KCNG4: variants seen among roughly 807,000 people sequenced by gnomAD.
KCNG4 encodes the protein potassium voltage-gated channel modifier subfamily G member 4, also known as voltage-gated potassium channel regulatory subunit KCNG4.
In KCNG4, 30 loss-of-function variants were observed where a neutral mutation model predicts 28.2. That is an observed-to-expected ratio of 1.06 (90% CI 0.80 to 1.44). The LOEUF is 1.44. Ranked by LOEUF, KCNG4 falls within the 40% of genes most tolerant of loss-of-function variation. The pLI, the probability that KCNG4 is intolerant of heterozygous loss-of-function variation, is 0.00. For synonymous variants in KCNG4, 375 were observed against 315.5 expected (o/e 1.19, Z -2.00); for missense variants, 879 against 712.3 (o/e 1.23, Z -2.66).
At position 84,221,641 on chromosome 16, in the gene KCNG4, G is replaced by C. The variant is rs1409797841; in HGVS notation, c.*576C>G. On this transcript the variant is annotated 3_prime_UTR_variant, in exon 3 of 3. Coordinates refer to ENST00000308251, the MANE Select transcript of KCNG4 (RefSeq NM_172347.3). ...TGATTCTGCCTTCTTAGCTACAAGT[G>C]TTCAGAGCTGGCGGGAGGTAGCAGC... The C allele has an allele frequency of 6.5e-6, 1 of 153,042 alleles. No individual in the cohort carries two copies. Among genetic ancestry groups the C allele is most frequent in the Non-Finnish European group, 1.5e-5 (1 of 68,640 alleles). 9.5% of individuals were successfully genotyped at this position (153,042 alleles called of 1,614,324 possible). A position where few individuals can be genotyped will look rare whatever the true frequency, so the allele number is the denominator to read the frequency against.
intron 2 of KCNG4, among the ~76,000 whole-genome samples, chr16:84,224,004 G>A (rs931689240): frequency 3.3e-5 from 5 of 152,114 alleles, no homozygotes; most frequent in Non-Finnish European, 5.9e-5. Context: ...TCTGTATTTT[G>A]TTCTTCCTCC....
chr16:84,221,930 A>C lies in KCNG4; in HGVS notation c.*287T>G. On this transcript the variant is annotated 3_prime_UTR_variant, in exon 3 of 3. Transcript: ENST00000308251. ...ATGTTAAAGCCTCTGCTGGGAAGGA[A>C]AAGAGAATGAAAGGAGACTGAGCTA... 2.4e-6 allele frequency: 1 copy of C among 415,154 alleles called. No homozygotes were observed. The highest frequency in any genetic ancestry group is 4.3e-6 in the Non-Finnish European group (1 of 230,474). 25.7% of individuals were successfully genotyped at this position (415,154 alleles called of 1,614,324 possible).
intron 2 of KCNG4, among the ~76,000 whole-genome samples, chr16:84,232,772 G>A (rs963058804): frequency 1.3e-5 from 2 of 151,916 alleles, no homozygotes; most frequent in Non-Finnish European, 2.9e-5. Context: ...GATGATGCCT[G>A]CCTGTGGTCC....
intron 2 of KCNG4, among the ~76,000 whole-genome samples, chr16:84,231,455 G>T (rs765896957): frequency 2.6e-5 from 4 of 152,186 alleles, no homozygotes; most frequent in Admixed American, 6.5e-5. Context: ...AGGCAGAGCT[G>T]CCCGGCCAGG....
chr16:84,225,453 C>T (rs2151336639), intron 2 of KCNG4, among the ~76,000 whole-genome samples: 1 of 152,290 alleles, frequency 6.6e-6, no homozygotes, highest in African/African-American at 2.4e-5. Flanking sequence ...GATTCTTGGG[C>T]CCCCATCACA....
In KCNG4 at chr16:84,236,464, A is replaced by G. The variant is rs1001256165; in HGVS notation, c.756+266T>C. 3 of 507,928 alleles carry G rather than the reference A, an allele frequency of 5.9e-6. No individual in the cohort carries two copies. In the African/African-American group the frequency reaches 5.9e-5, roughly 10 times the overall value. The allele number at this position is 507,928 out of a possible 1,614,324, so 31.5% of individuals were successfully genotyped here. On this transcript the variant is annotated intron_variant, in intron 2 of 2. Transcript: ENST00000308251. ...GACACTGTGTCTGTGTGGCCCACTG[A>G]GTCCACGCATGGCTGAGGGCCACGT...
chr16:84,234,379 G>A (rs936640825), intron 2 of KCNG4, among the ~76,000 whole-genome samples: 5 of 151,738 alleles, frequency 3.3e-5, no homozygotes, highest in South Asian at 2.1e-4. Flanking sequence ...GAGTTTTACC[G>A]TGTTGGCCAG....
Position 84,222,135 on chromosome 16 carries a change from G to C in KCNG4, c.*82C>G. 7.2e-7 allele frequency: 1 copy of C among 1,383,758 alleles called. No individual in the cohort carries two copies. 85.7% of individuals were successfully genotyped at this position (1,383,758 alleles called of 1,614,324 possible). A position where few individuals can be genotyped will look rare whatever the true frequency, so the allele number is the denominator to read the frequency against. Reference sequence around the variant, plus strand: ...CCCTGGGCTCTAGAAACACCACCAGGTGGTCTATGCGGGGTACCCTTGAGT... The same window carrying C: ...CCCTGGGCTCTAGAAACACCACCAGCTGGTCTATGCGGGGTACCCTTGAGT... On this transcript the variant is annotated 3_prime_UTR_variant, in exon 3 of 3. Transcript: ENST00000308251.
intron 2 of KCNG4, among the ~76,000 whole-genome samples, chr16:84,234,677 C>T (rs1032438115): frequency 2.6e-5 from 4 of 152,188 alleles, no homozygotes; most frequent in African/African-American, 9.7e-5. Flanking sequence ...ATTAATTCTT[C>T]AGCGTGGATG....
intron 2 of KCNG4, among the ~76,000 whole-genome samples, chr16:84,234,666 CATT>C (rs1482194004): frequency 6.6e-6 from 1 of 152,194 alleles, no homozygotes; most frequent in African/African-American, 2.4e-5. Flanking sequence ...CCCATCGTGA[CATT>C]AATTCTTCAG....
chr16:84,228,571 C>A (rs1196659992), intron 2 of KCNG4, among the ~76,000 whole-genome samples: 1 of 152,150 alleles, frequency 6.6e-6, no homozygotes, highest in East Asian at 1.9e-4. Context: ...CACTACTCAC[C>A]CCGAGCCGCA....
At chr16:84,225,571 A>G (rs1216093686) in intron 2 of KCNG4, among the ~76,000 whole-genome samples, 1 of 152,198 alleles carries the variant, frequency 6.6e-6, no homozygotes, top group Non-Finnish European at 1.5e-5. Flanking sequence ...TTCTGCCTAC[A>G]AGGCCTCTCT....
chr16:84,222,490 C>T lies in KCNG4; in HGVS notation c.1287G>A (p.Val429=). Residue 429 remains valine, a synonymous_variant, in exon 3 of 3, where the codon GTG becomes GTA. Coordinates refer to ENST00000308251, the MANE Select transcript of KCNG4 (RefSeq NM_172347.3). Reference sequence around the variant, plus strand: ...TGCTGAGGGCCACCATCTGGCCTGGCACACTGCGGGGCACCATGTCCCCGT... The same window carrying T: ...TGCTGAGGGCCACCATCTGGCCTGGTACACTGCGGGGCACCATGTCCCCGT... The part of the protein sequence containing the change: ...VGYGDMVPRS[V]PGQMVALSSI... The T allele has an allele frequency of 6.2e-7, 1 of 1,613,558 alleles. No homozygotes were observed. Among genetic ancestry groups the T allele is most frequent in the East Asian group, 2.2e-5 (1 of 44,876 alleles).
rs200838396 is a variant in KCNG4 at position 84,222,933 on chromosome 16, C to A, written c.844G>T (p.Val282Phe). 1.3e-6 allele frequency: 2 copies of A among 1,599,506 alleles called. No homozygotes were observed. Among genetic ancestry groups the A allele is most frequent in the South Asian group, 2.2e-5 (2 of 89,204 alleles). The change falls in exon 3 of 3, where the codon GTC becomes TTC. Residue 282 changes from valine (V) to phenylalanine (F), a missense_variant. Physicochemically the swap from Val to Phe is conservative, Grantham distance 50. Transcript: ENST00000308251. ...WFSLEFCLRF[V>F]QAQDKCQFFQ... ...AACTGACACTTGTCTTGGGCCTGGA[C>A]AAACCGCAGGCAGAACTCCAGGGAG...
chr16:84,222,489 G>C lies in KCNG4; in HGVS notation c.1288C>G (p.Pro430Ala), dbSNP rs777310882. Residue 430 changes from proline (P) to alanine (A), a missense_variant, in exon 3 of 3, where the codon CCA becomes GCA. Transcript: ENST00000308251. Reference protein sequence around the residue: ...GYGDMVPRSVPGQMVALSSIL... With the variant: ...GYGDMVPRSVAGQMVALSSIL... ...CTGCTGAGGGCCACCATCTGGCCTG[G>C]CACACTGCGGGGCACCATGTCCCCG... 16 of 1,613,682 alleles carry C rather than the reference G, an allele frequency of 9.9e-6. No homozygotes were observed. In the South Asian group the frequency reaches 1.8e-4, roughly 18 times the overall value.
At chr16:84,227,261 T>C (rs948622650) in intron 2 of KCNG4, among the ~76,000 whole-genome samples, 10 of 152,044 alleles carry the variant, frequency 6.6e-5, no homozygotes, top group African/African-American at 2.4e-4. Flanking sequence ...CTCAGACAAA[T>C]GAAAACACAT....
chr16:84,234,769 TTGACA>T (rs747900964), intron 2 of KCNG4, among the ~76,000 whole-genome samples: 3 of 152,140 alleles, frequency 2.0e-5, no homozygotes, highest in Non-Finnish European at 4.4e-5. Flanking sequence ...CCCTCTCAGA[TTGACA>T]TTCCCTGAGG....
chr16:84,232,718 G>C (rs1044821384), intron 2 of KCNG4, among the ~76,000 whole-genome samples: 1 of 151,848 alleles, frequency 6.6e-6, no homozygotes, highest in African/African-American at 2.4e-5. Flanking sequence ...TGGCCCACAT[G>C]GTGAAACCCA....
chr16:84,232,560 C>T (rs1904851142), intron 2 of KCNG4, among the ~76,000 whole-genome samples: 2 of 152,114 alleles, frequency 1.3e-5, no homozygotes, highest in African/African-American at 2.4e-5. Context: ...AAATTGTTCC[C>T]TTTAAGTTGC....
Sources: gnomAD v4.1 joint callset for allele counts (sites outside exome capture counted in the v4.1 genomes callset) on GRCh38, gnomAD v4.1.1 for gene constraint, MANE v1.5 for transcripts, NCBI Gene and HGNC (gene_info 2026-07-23, HGNC 2026-07-21) for gene names.